IL2RB: variants seen among roughly 807,000 people sequenced by gnomAD.
IL2RB encodes the protein interleukin-2 receptor subunit beta.
In IL2RB, 17 loss-of-function variants were observed where a neutral mutation model predicts 44.2. That is an observed-to-expected ratio of 0.38 (90% CI 0.26 to 0.58). The LOEUF (loss-of-function observed/expected upper bound fraction) is 0.58, where lower values mean the gene tolerates loss of function less well. IL2RB is among the 20% of genes least tolerant of loss of function. The pLI, the probability that IL2RB is intolerant of heterozygous loss-of-function variation, is 0.63. For synonymous variants in IL2RB, 286 were observed against 297.9 expected (o/e 0.96, Z 0.41); for missense variants, 624 against 685.5 (o/e 0.91, Z 1.00).
chr22:37,135,738 C>T (rs1921657385), intron 7 of IL2RB, among the ~76,000 whole-genome samples: 1 of 151,466 alleles, frequency 6.6e-6, no homozygotes, highest in African/African-American at 2.4e-5. Context: ...GCTGGCTGCA[C>T]CCCTCTCTCC....
At chr22:37,168,729 C>T (rs1203959390) in intron 1 of IL2RB, among the ~76,000 whole-genome samples, 1 of 152,156 alleles carries the variant, frequency 6.6e-6, no homozygotes, top group Non-Finnish European at 1.5e-5. Flanking sequence ...GAGAAAGGGC[C>T]CAAGACAGAG....
At chr22:37,146,088 C>T (rs1922210138) in intron 1 of IL2RB, among the ~76,000 whole-genome samples, 1 of 152,146 alleles carries the variant, frequency 6.6e-6, no homozygotes, top group African/African-American at 2.4e-5. Flanking sequence ...ACAACTGTAC[C>T]CTTCCTATTC....
At chr22:37,175,084 C>A (rs1160913737), upstream of IL2RB, 1 of 152,202 alleles carries the variant, frequency 6.6e-6, no homozygotes, top group Non-Finnish European at 1.5e-5. Flanking sequence ...GTCCCTTATA[C>A]AACCATCAAA....
Position 37,142,474 on chromosome 22 carries a change from T to G in IL2RB, c.242A>C (p.Gln81Pro), listed in dbSNP as rs1922015492. 1 of 1,614,010 alleles carries G rather than the reference T, an allele frequency of 6.2e-7. No individual in the cohort carries two copies. The highest frequency in any genetic ancestry group is 1.1e-5 in the South Asian group (1 of 91,088). The part of the protein sequence containing the change: ...NQTCELLPVS[Q>P]ASWACNLILG... ...GATCAGGTTGCAGGCCCAGGATGCTTGACTCACGGGGAGCAGCTCACAGGT... is the reference window on the plus strand; with the variant it reads ...GATCAGGTTGCAGGCCCAGGATGCTGGACTCACGGGGAGCAGCTCACAGGT... Residue 81 changes from glutamine (Q) to proline (P), a missense_variant, in exon 4 of 10, where the codon CAA (glutamine) becomes CCA (proline). Physicochemically the swap from Gln to Pro is moderately conservative, Grantham distance 76. Coordinates refer to ENST00000216223, the MANE Select transcript of IL2RB (RefSeq NM_000878.5).
chr22:37,143,520 C>T lies in IL2RB; in HGVS notation c.203+1G>A. ...TTCTGCAGTGTGGCCAGTGGACTCA[C>T]CGTCTGTCCGGCCAGGCATGGACTT... On this transcript the variant is annotated splice_donor_variant, in intron 3 of 9. Transcript: ENST00000216223. LOFTEE classifies it high-confidence loss of function. The T allele has an allele frequency of 1.3e-6, 2 of 1,599,840 alleles. No homozygotes were observed. Among genetic ancestry groups the T allele is most frequent in the East Asian group, 2.2e-5 (1 of 44,802 alleles).
chr22:37,152,925 GCCT>G (rs1241950599), upstream of IL2RB, among the ~76,000 whole-genome samples: 1 of 130,232 alleles, frequency 7.7e-6, no homozygotes, highest in Non-Finnish European at 1.6e-5. Context: ...GCAAGCTGTG[GCCT>G]CTTTTTTTTT....
At chr22:37,132,551 G>A in intron 8 of IL2RB, 83 bp from the exon 9 acceptor site, 2 of 954,550 alleles carry the variant, frequency 2.1e-6, no homozygotes, top group Non-Finnish European at 3.3e-6. Flanking sequence ...AGCTCTGGAT[G>A]CCAGGCACGG....
intron 8 of IL2RB, among the ~76,000 whole-genome samples, chr22:37,133,548 C>T (rs557172861): frequency 6.6e-6 from 1 of 152,308 alleles, no homozygotes; most frequent in South Asian, 2.1e-4. Context: ...GGTGACACAG[C>T]TAGGCACGCT....
chr22:37,146,226 C>G (rs1025704581), intron 1 of IL2RB, among the ~76,000 whole-genome samples: 3 of 152,208 alleles, frequency 2.0e-5, no homozygotes, highest in Admixed American at 6.5e-5. Context: ...GCCCAGACAA[C>G]GGCACCACCC....
At position 37,128,063 on chromosome 22, in the gene IL2RB, G is replaced by A; in HGVS notation, c.*33C>T. 1 of 1,486,940 alleles carries A rather than the reference G, an allele frequency of 6.7e-7. No homozygotes were observed. The allele number at this position is 1,486,940 out of a possible 1,614,324, so 92.1% of individuals were successfully genotyped here. A position where few individuals can be genotyped will look rare whatever the true frequency, so the allele number is the denominator to read the frequency against. ...TCCTTCTGAGGCTCGGCGCAGAGCAGGCAGCTGCCTGCCTCCCACCCTGGC... is the reference window on the plus strand; with the variant it reads ...TCCTTCTGAGGCTCGGCGCAGAGCAAGCAGCTGCCTGCCTCCCACCCTGGC... On this transcript the variant is annotated 3_prime_UTR_variant, in exon 10 of 10. Coordinates refer to ENST00000216223, the MANE Select transcript of IL2RB (RefSeq NM_000878.5). The surrounding 1 kb of genome is among the most constrained non-coding windows in gnomAD (Gnocchi z 4.5).
intron 1 of IL2RB, among the ~76,000 whole-genome samples, chr22:37,158,033 C>G (rs1029358899): frequency 1.3e-5 from 2 of 152,188 alleles, no homozygotes; most frequent in Non-Finnish European, 2.9e-5. Flanking sequence ...CTTCAAGCAT[C>G]TCCCTGGAAG....
intron 1 of IL2RB, among the ~76,000 whole-genome samples, chr22:37,144,878 G>C (rs532464060): frequency 6.6e-6 from 1 of 152,286 alleles, no homozygotes; most frequent in Admixed American, 6.5e-5. Context: ...ACAGAGTCAC[G>C]TAAGCTCACT....
chr22:37,136,868 A>G (rs1022871581), intron 6 of IL2RB, among the ~76,000 whole-genome samples: 1 of 152,048 alleles, frequency 6.6e-6, no homozygotes, highest in Admixed American at 6.5e-5. Context: ...GGTCTTTCTA[A>G]TTTTGCAAAA....
rs967441800 is a variant in IL2RB at position 37,141,685 on chromosome 22, C to A, written c.282+749G>T. On this transcript the variant is annotated intron_variant, in intron 4 of 9. Coordinates refer to ENST00000216223, the MANE Select transcript of IL2RB (RefSeq NM_000878.5). The surrounding 1 kb of genome is among the most constrained non-coding windows in gnomAD (Gnocchi z 4.4). ...GCGGGACCAAGCCCAGGCACTACCACAGCCTGGCACGCTCGAGGCAGCACT... is the reference window on the plus strand; with the variant it reads ...GCGGGACCAAGCCCAGGCACTACCAAAGCCTGGCACGCTCGAGGCAGCACT... Among the ~76,000 whole-genome samples the A allele has an allele frequency of 6.6e-6, 1 of 152,230 alleles. No individual in the cohort carries two copies. Among genetic ancestry groups the A allele is most frequent in the Non-Finnish European group, 1.5e-5 (1 of 68,030 alleles).
At chr22:37,165,802 G>A (rs1328210839) in intron 1 of IL2RB, among the ~76,000 whole-genome samples, 1 of 152,080 alleles carries the variant, frequency 6.6e-6, no homozygotes, top group Non-Finnish European at 1.5e-5. Flanking sequence ...GAGGCGGGGA[G>A]GACACAGGTG....
chr22:37,149,626 C>T (rs571386733), intron 1 of IL2RB, among the ~76,000 whole-genome samples, 199 bp downstream of exon 1: 17 of 152,330 alleles, frequency 1.1e-4, no homozygotes, highest in African/African-American at 3.8e-4. Context: ...GACTGGGGAC[C>T]GCTTTTTCCT....
In IL2RB at chr22:37,143,884, C is replaced by CGTGTGT. The variant is rs55819516; in HGVS notation, c.88+195_88+200dup. 6.2e-3 allele frequency among the ~76,000 whole-genome samples: 863 copies of CGTGTGT among 139,866 alleles called. 6 individuals carry two copies. The highest frequency in any genetic ancestry group is 0.015 in the African/African-American group (529 of 34,646). 91.8% of individuals were successfully genotyped at this position (139,866 alleles called of 152,430 possible). A position where few individuals can be genotyped will look rare whatever the true frequency, so the allele number is the denominator to read the frequency against. ...AGCACAAGCCTGTGGCTTGGAGAGGCGTGTGTGTGTGTGTGTGTGTGTGTG... is the reference window on the plus strand; with the variant it reads ...AGCACAAGCCTGTGGCTTGGAGAGGCGTGTGTGTGTGTGTGTGTGTGTGTGTGTGTG... On this transcript the variant is annotated intron_variant, in intron 2 of 9. Transcript: ENST00000216223.
At position 37,144,241 on chromosome 22, in the gene IL2RB, T is replaced by C. The variant is rs545333386; in HGVS notation, c.-33-36A>G. 1.9e-5 allele frequency: 29 copies of C among 1,512,438 alleles called. No homozygotes were observed. The African/African-American group carries it at 3.7e-4, about 20-fold the overall frequency. The allele number at this position is 1,512,438 out of a possible 1,614,324, so 93.7% of individuals were successfully genotyped here. A position where few individuals can be genotyped will look rare whatever the true frequency, so the allele number is the denominator to read the frequency against. ...AGGAGAAAGAGAGAGCACACGTAAA[T>C]ACACATCCCAGGCCTCGCTGCCCCT... is the stretch of plus-strand genomic sequence containing the variant. On this transcript the variant is annotated intron_variant, in intron 1 of 9. Coordinates refer to ENST00000216223, the MANE Select transcript of IL2RB (RefSeq NM_000878.5).
intron 1 of IL2RB, among the ~76,000 whole-genome samples, chr22:37,167,236 C>T (rs1022696851): frequency 3.3e-5 from 5 of 152,090 alleles, no homozygotes; most frequent in Non-Finnish European, 5.9e-5. Flanking sequence ...TCCCTTTCCT[C>T]GGCCCTGGGT....
Sources: gnomAD v4.1 joint callset for allele counts (sites outside exome capture counted in the v4.1 genomes callset) on GRCh38, gnomAD v4.1.1 for gene constraint, Gnocchi (gnomAD v3.1) non-coding constraint, MANE v1.5 for transcripts, NCBI Gene and HGNC (gene_info 2026-07-23, HGNC 2026-07-21) for gene names.